Variants in PIEZO1 observed in about 807,000 individuals in gnomAD.
PIEZO1 encodes the protein piezo-type mechanosensitive ion channel component 1.
PIEZO1 carries 296 observed loss-of-function variants against 297.2 expected under a neutral mutation model. That is an observed-to-expected ratio of 1.00 (90% CI 0.91 to 1.10). The LOEUF (loss-of-function observed/expected upper bound fraction) is 1.10, where lower values mean the gene tolerates loss of function less well. Ranked by LOEUF, PIEZO1 falls within the 50% of genes least tolerant of loss-of-function variation. PIEZO1 has a pLI of 0.00. For synonymous variants in PIEZO1, 2,427 were observed against 1,507.5 expected, an observed-to-expected ratio of 1.61 and a Z score of -14.13; for missense variants, 5,018 against 3,455.5, an observed-to-expected ratio of 1.45 and a Z score of -11.34.
chr16:88,747,543 C>T (rs1298689346), intron 2 of PIEZO1, among the ~76,000 whole-genome samples: 1 of 152,146 alleles, frequency 6.6e-6, no homozygotes. Flanking sequence ...AAGACCATTG[C>T]CCACCCCACA....
chr16:88,774,348 G>C (rs899502032), intron 1 of PIEZO1, among the ~76,000 whole-genome samples: 1 of 152,222 alleles, frequency 6.6e-6, no homozygotes, highest in Non-Finnish European at 1.5e-5. Context: ...TCGAGATTGT[G>C]CCACTGCACA....
intron 1 of PIEZO1, among the ~76,000 whole-genome samples, chr16:88,768,867 G>C (rs1907296890): frequency 6.6e-6 from 1 of 152,232 alleles, no homozygotes; most frequent in African/African-American, 2.4e-5. Context: ...GCAGTATTGT[G>C]GCTGCAGACC....
At position 88,719,599 on chromosome 16, in the gene PIEZO1, A is replaced by T. The variant is rs753600208; in HGVS notation, c.6446T>A (p.Ile2149Asn). ...CTTCTCTGTCTCTCGGCTGCATTTG[A>T]TGATGAAGATGTTGGCATAGATGTC... The part of the protein sequence containing the change: ...VEDIYANIFI[I>N]KCSRETEKKY... The change falls in exon 44 of 51, where the codon ATC becomes AAC. Residue 2149 changes from isoleucine (I) to asparagine (N), a missense_variant. Transcript: ENST00000301015. 4.8e-5 allele frequency: 75 copies of T among 1,551,324 alleles called. No individual in the cohort carries two copies. In the South Asian group the frequency reaches 5.6e-4, roughly 12 times the overall value.
At chr16:88,770,418 G>A (rs899653435) in intron 1 of PIEZO1, among the ~76,000 whole-genome samples, 1 of 152,348 alleles carries the variant, frequency 6.6e-6, no homozygotes, top group South Asian at 2.1e-4. Context: ...TGGGGTGGGG[G>A]GACGGGAGCG....
At position 88,723,162 on chromosome 16, in the gene PIEZO1, G is replaced by T. The variant is rs756712523; in HGVS notation, c.4439-11C>A. Reference sequence around the variant, plus strand: ...GGCTGGGACCACCTCCTGGGCACAGGATGCTGGTGAGTGACTGGCAGTCCC... The same window carrying T: ...GGCTGGGACCACCTCCTGGGCACAGTATGCTGGTGAGTGACTGGCAGTCCC... On this transcript the variant is annotated splice_polypyrimidine_tract_variant and intron_variant, in intron 32 of 50. Coordinates refer to ENST00000301015, the MANE Select transcript of PIEZO1 (RefSeq NM_001142864.4). 1.3e-6 allele frequency: 2 copies of T among 1,549,394 alleles called. No individual in the cohort carries two copies. The highest frequency in any genetic ancestry group is 1.7e-6 in the Non-Finnish European group (2 of 1,146,822).
In PIEZO1 at chr16:88,715,430, G is replaced by C; in HGVS notation, c.*175C>G. The C allele has an allele frequency of 1.1e-6, 1 of 919,476 alleles. No individual in the cohort carries two copies. Among genetic ancestry groups the C allele is most frequent in the Non-Finnish European group, 1.6e-6 (1 of 619,988 alleles). 57.0% of individuals were successfully genotyped at this position (919,476 alleles called of 1,614,324 possible). On this transcript the variant is annotated 3_prime_UTR_variant, in exon 51 of 51. Coordinates refer to ENST00000301015, the MANE Select transcript of PIEZO1 (RefSeq NM_001142864.4). ...GGACGGCAGCGCCACGCAGGCCGTG[G>C]GGACGCAGTGTCCTTCTCTGACAGC...
chr16:88,739,098 G>T, intron 5 of PIEZO1: 1 of 251,462 alleles, frequency 4.0e-6, no homozygotes. Context: ...AGGGAGCAGC[G>T]GGGCCCTGTC....
Position 88,734,527 on chromosome 16 carries a change from A to C in PIEZO1, c.2009T>G (p.Leu670Arg), listed in dbSNP as rs1419399811. 1 of 1,543,156 alleles carries C rather than the reference A, an allele frequency of 6.5e-7. No homozygotes were observed. The highest frequency in any genetic ancestry group is 8.8e-7 in the Non-Finnish European group (1 of 1,142,846). The change falls in exon 16 of 51, where the codon CTG (leucine) becomes CGG (arginine). Residue 670 changes from leucine (L) to arginine (R), a missense_variant. Physicochemically the swap from Leu to Arg is moderately radical, Grantham distance 102. Coordinates refer to ENST00000301015, the MANE Select transcript of PIEZO1 (RefSeq NM_001142864.4). ...TGFTDEQLGD[L>R]GLEQFSVSEL... ...GGACACGCTGAACTGCTCCAGGCCC[A>C]GGTCCCCCAGCCTGTGGAGGGGCAG...
intron 2 of PIEZO1, among the ~76,000 whole-genome samples, chr16:88,745,932 C>T (rs1374899100): frequency 6.6e-6 from 1 of 152,144 alleles, no homozygotes; most frequent in Non-Finnish European, 1.5e-5. Context: ...GGGGCCCCAC[C>T]ACGGCAGCAT....
At chr16:88,776,949 C>A (rs562536142) in intron 1 of PIEZO1, among the ~76,000 whole-genome samples, 15 of 152,320 alleles carry the variant, frequency 9.8e-5, no homozygotes, top group Admixed American at 3.9e-4. Context: ...GAAGGGCCTG[C>A]ACCAGGCTGA....
At chr16:88,761,193 C>T (rs962491227) in intron 1 of PIEZO1, among the ~76,000 whole-genome samples, 2 of 152,076 alleles carry the variant, frequency 1.3e-5, no homozygotes, top group African/African-American at 2.4e-5. Context: ...GCCCAGGGAG[C>T]GGGGCAAAGC....
At chr16:88,731,171 A>T (rs1396315844) in intron 22 of PIEZO1, 1 of 155,436 alleles carries the variant, frequency 6.4e-6, no homozygotes, top group East Asian at 1.9e-4. Context: ...GCTTAGACCC[A>T]AGACAAGAGA....
At chr16:88,750,322 C>T (rs1373700335) in intron 1 of PIEZO1, among the ~76,000 whole-genome samples, 2 of 152,312 alleles carry the variant, frequency 1.3e-5, no homozygotes, top group African/African-American at 2.4e-5. Context: ...GGCGACAGAG[C>T]GAGACTCCAT....
intron 1 of PIEZO1, among the ~76,000 whole-genome samples, chr16:88,781,272 C>T (rs1348356881): frequency 1.3e-5 from 2 of 152,182 alleles, no homozygotes; most frequent in South Asian, 2.1e-4. Flanking sequence ...AGAGACTGTG[C>T]GCCCCCACCC....
chr16:88,753,693 A>G (rs1482232619), intron 1 of PIEZO1, among the ~76,000 whole-genome samples: 1 of 152,204 alleles, frequency 6.6e-6, no homozygotes, highest in Non-Finnish European at 1.5e-5. Flanking sequence ...CACTCCTTGG[A>G]TCTACCTGTG....
chr16:88,726,516 G>A (rs759185127), intron 26 of PIEZO1, 31 bp downstream of exon 26: 26 of 1,545,894 alleles, frequency 1.7e-5, no homozygotes, highest in African/African-American at 8.2e-5. Context: ...GCTTCCCCAC[G>A]CCCTCCCCCG....
chr16:88,771,418 T>C (rs561405569), intron 1 of PIEZO1, among the ~76,000 whole-genome samples: 2 of 152,002 alleles, frequency 1.3e-5, no homozygotes, highest in Admixed American at 6.5e-5. Flanking sequence ...GGGGCTCCCA[T>C]CCCACCGCCT....
Position 88,716,427 on chromosome 16 carries a change from A to C in PIEZO1, c.6983T>G (p.Leu2328Arg). The part of the protein sequence containing the change: ...EYANEKHMLA[L>R]APNSTARRQL... ...CCGCCGTGCAGTGCTGTTGGGGGCC[A>C]GGGCCAGCATGTGCTTCTCGTTGGC... The change falls in exon 48 of 51, where the codon CTG becomes CGG. Residue 2328 changes from leucine to arginine, a missense_variant. Coordinates refer to ENST00000301015, the MANE Select transcript of PIEZO1 (RefSeq NM_001142864.4). 6.5e-7 allele frequency: 1 copy of C among 1,549,758 alleles called. No individual in the cohort carries two copies. The highest frequency in any genetic ancestry group is 8.7e-7 in the Non-Finnish European group (1 of 1,146,674).
rs1002229214 is a variant in PIEZO1 at position 88,726,862 on chromosome 16, G to A, written c.3552C>T (p.Ile1184=). ...AGGCCAGCAGGTAGCCCAGCCCGAA[G>A]ATGCTGATGCGGGTGGCCCCCGTGA... is the stretch of plus-strand genomic sequence containing the variant. ...VFVTGATRIS[I]FGLGYLLACF... The change falls in exon 25 of 51, where the codon ATC becomes ATT. Residue 1184 remains isoleucine, a synonymous_variant. Transcript: ENST00000301015. The A allele has an allele frequency of 2.1e-5, 33 of 1,550,296 alleles. No homozygotes were observed. The Admixed American group carries it at 3.9e-4, about 18-fold the overall frequency.
Sources: allele counts gnomAD v4.1 joint callset (sites outside exome capture counted in the v4.1 genomes callset), GRCh38; gene constraint gnomAD v4.1.1; transcripts MANE v1.5; gene names NCBI Gene and HGNC (gene_info 2026-07-23, HGNC 2026-07-21).